The following EVA1A variants were observed in gnomAD, a reference collection of about 807,000 sequenced individuals.
EVA1A encodes the protein eva-1 homolog A, regulator of programmed cell death, also known as protein eva-1 homolog A.
In EVA1A, 7 loss-of-function variants were observed where a neutral mutation model predicts 9.8. The observed-to-expected ratio is 0.71, with a 90% CI of 0.41 to 1.34. EVA1A has a LOEUF of 1.34. Ranked by LOEUF, EVA1A falls within the 40% of genes most tolerant of loss-of-function variation. The probability of loss-of-function intolerance (pLI) is 0.01; values close to 1 mark genes in which losing one functional copy is unlikely to be tolerated. For missense variants in EVA1A, 206 were observed against 205.9 expected (o/e 1.00, Z 0.00); for synonymous variants, 90 against 85.6 (o/e 1.05, Z -0.28).
intron 3 of EVA1A, among the ~76,000 whole-genome samples, chr2:75,500,830 G>C (rs1053666383): frequency 6.7e-6 from 1 of 149,112 alleles, no homozygotes; most frequent in African/African-American, 2.5e-5. Context: ...TCACTCTTTG[G>C]CTTCTTGCCA....
At chr2:75,546,480 C>T (rs1676332477) in intron 1 of EVA1A, among the ~76,000 whole-genome samples, 1 of 152,012 alleles carries the variant, frequency 6.6e-6, no homozygotes, top group Non-Finnish European at 1.5e-5. Flanking sequence ...AACAGAAATC[C>T]ATCTGAACTG....
In EVA1A at chr2:75,536,024, C is replaced by T. The variant is rs151206046; in HGVS notation, c.-191-13537G>A. On this transcript the variant is annotated intron_variant, in intron 1 of 3. Coordinates refer to ENST00000393913, the MANE Select transcript of EVA1A (RefSeq NM_001135032.2). ...GATTATTTTCTCAGGCGTGGGCCAC[C>T]GCACCCAGCCACTGCCAGTATTGTT... Among the ~76,000 whole-genome samples the T allele has an allele frequency of 1.5e-3, 230 of 152,268 alleles. 4 individuals are homozygous for T. Among genetic ancestry groups the T allele is most frequent in the Non-Finnish European group, 8.5e-4 (58 of 68,036 alleles).
chr2:75,543,399 C>T (rs1282476489), intron 1 of EVA1A, among the ~76,000 whole-genome samples: 1 of 152,154 alleles, frequency 6.6e-6, no homozygotes, highest in Non-Finnish European at 1.5e-5. Flanking sequence ...TCCTGGTCAT[C>T]TGATTTGTTT....
chr2:75,534,843 T>C (rs532964858), intron 1 of EVA1A, among the ~76,000 whole-genome samples: 11 of 152,292 alleles, frequency 7.2e-5, no homozygotes, highest in African/African-American at 2.6e-4. Context: ...TCTAAAATAG[T>C]TTTCCTAGGT....
chr2:75,562,094 A>T (rs1490896331), upstream of EVA1A, among the ~76,000 whole-genome samples: 2 of 152,200 alleles, frequency 1.3e-5, no homozygotes, highest in African/African-American at 4.8e-5. Context: ...GAACCACTGG[A>T]TTAGTATCTG....
chr2:75,504,237 C>T, intron 3 of EVA1A, among the ~76,000 whole-genome samples: 1 of 151,966 alleles, frequency 6.6e-6, no homozygotes, highest in East Asian at 1.9e-4. Context: ...ATGGTGAAAC[C>T]CTGTCTCTAC....
chr2:75,529,423 T>C (rs1322944400), intron 1 of EVA1A, among the ~76,000 whole-genome samples: 1 of 152,206 alleles, frequency 6.6e-6, no homozygotes, highest in African/African-American at 2.4e-5. Context: ...CAGAATATTC[T>C]GCCCAACAAC....
At chr2:75,529,337 C>G (rs569213799) in intron 1 of EVA1A, among the ~76,000 whole-genome samples, 1 of 152,310 alleles carries the variant, frequency 6.6e-6, no homozygotes, top group East Asian at 1.9e-4. Flanking sequence ...CTAGACAGGT[C>G]ATCAAGACAG....
chr2:75,509,269 C>T (rs909442813), intron 3 of EVA1A, among the ~76,000 whole-genome samples: 3 of 152,076 alleles, frequency 2.0e-5, no homozygotes, highest in Non-Finnish European at 4.4e-5. Context: ...TAATAGGAAG[C>T]TATGAAAATT....
intron 3 of EVA1A, among the ~76,000 whole-genome samples, chr2:75,498,140 C>T (rs1448050541): frequency 6.6e-6 from 1 of 152,128 alleles, no homozygotes; most frequent in African/African-American, 2.4e-5. Context: ...CCATGGAATA[C>T]TAAGCAGCCA....
chr2:75,551,152 A>C (rs1676508016), intron 1 of EVA1A, among the ~76,000 whole-genome samples: 1 of 151,502 alleles, frequency 6.6e-6, no homozygotes, highest in African/African-American at 2.4e-5. Flanking sequence ...AAAAAAAACC[A>C]AAAAAAACGT....
intron 1 of EVA1A, among the ~76,000 whole-genome samples, chr2:75,559,562 T>G (rs549918263): frequency 1.2e-4 from 19 of 152,304 alleles, no homozygotes; most frequent in Non-Finnish European, 2.4e-4. Flanking sequence ...ATTAATAAGA[T>G]TCAAAGGTGA....
chr2:75,556,715 C>T (rs564982709), intron 1 of EVA1A, among the ~76,000 whole-genome samples: 3 of 152,220 alleles, frequency 2.0e-5, no homozygotes, highest in African/African-American at 7.2e-5. Context: ...AATTTTTCCA[C>T]GGATAGGGGG....
intron 1 of EVA1A, among the ~76,000 whole-genome samples, chr2:75,559,697 T>TGGGGGGGGGGGGGGGGGGGGGGGGGG (rs36059976): frequency 2.5e-5 from 2 of 78,794 alleles, no homozygotes; most frequent in African/African-American, 1.2e-4. Flanking sequence ...AGAAAGGAGG[T>TGGGGGGGGGGGGGGGGGGGGGGGGGG]GGGGGGGGGG....
At chr2:75,494,482 G>A (rs1040730529) in intron 3 of EVA1A, among the ~76,000 whole-genome samples, 3 of 152,218 alleles carry the variant, frequency 2.0e-5, no homozygotes, top group African/African-American at 7.2e-5. Flanking sequence ...CTTACTTGCT[G>A]GTTCTGATGA....
chr2:75,525,123 T>C (rs891960516), intron 1 of EVA1A, among the ~76,000 whole-genome samples: 3 of 152,168 alleles, frequency 2.0e-5, no homozygotes, highest in Non-Finnish European at 4.4e-5. Context: ...TATATGTATG[T>C]ATGCACGCAT....
At chr2:75,561,746 G>A (rs1676928717), upstream of EVA1A, among the ~76,000 whole-genome samples, 1 of 152,222 alleles carries the variant, frequency 6.6e-6, no homozygotes, top group African/African-American at 2.4e-5. Flanking sequence ...AAGCCTTCAG[G>A]AGGCGGTCTA....
At chr2:75,530,896 T>G (rs1329428762) in intron 1 of EVA1A, among the ~76,000 whole-genome samples, 3 of 150,894 alleles carry the variant, frequency 2.0e-5, no homozygotes, top group African/African-American at 7.3e-5. Context: ...CTGGAAGTCC[T>G]AGCCAGAGCA....
At chr2:75,510,808 A>T (rs1335100193) in intron 3 of EVA1A, among the ~76,000 whole-genome samples, 1 of 152,250 alleles carries the variant, frequency 6.6e-6, no homozygotes, top group Non-Finnish European at 1.5e-5. Context: ...TGAACAAGAC[A>T]TATGGACAGT....
Sources: gnomAD v4.1 joint callset for allele counts (sites outside exome capture counted in the v4.1 genomes callset) on GRCh38, gnomAD v4.1.1 for gene constraint, MANE v1.5 for transcripts, NCBI Gene and HGNC (gene_info 2026-07-23, HGNC 2026-07-21) for gene names.